CD163L1: variants seen among roughly 807,000 people sequenced by gnomAD.
The protein encoded by CD163L1 is scavenger receptor cysteine-rich type 1 protein M160.
CD163L1 carries 124 observed loss-of-function variants against 165.4 expected under a neutral mutation model. That is an observed-to-expected ratio of 0.75 (90% CI 0.65 to 0.87). The LOEUF (loss-of-function observed/expected upper bound fraction) is 0.87, where lower values mean the gene tolerates loss of function less well. Among genes scored for constraint, CD163L1 ranks in the 40% least tolerant of loss-of-function variants. CD163L1 has a pLI of 0.00. For synonymous variants in CD163L1, 585 were observed against 662.2 expected (o/e 0.88, Z 1.79); for missense variants, 1,525 against 1,799.9 (o/e 0.85, Z 2.76).
intron 18 of CD163L1, among the ~76,000 whole-genome samples, chr12:7,364,916 A>C (rs977082493): frequency 2.0e-5 from 3 of 152,184 alleles, no homozygotes; most frequent in African/African-American, 7.2e-5. Context: ...ACAGAAATAG[A>C]GATAACAATC....
chr12:7,394,126 C>T (rs2136489601), intron 8 of CD163L1, among the ~76,000 whole-genome samples: 1 of 150,628 alleles, frequency 6.6e-6, no homozygotes, highest in Middle Eastern at 3.4e-3. Flanking sequence ...AAAAAAAAAT[C>T]ACATAGCCAA....
intron 18 of CD163L1, among the ~76,000 whole-genome samples, chr12:7,365,994 A>G (rs1947009978): frequency 6.6e-6 from 1 of 152,150 alleles, no homozygotes; most frequent in East Asian, 1.9e-4. Context: ...TAGCCAAAAT[A>G]TGGAAGCAGC....
chr12:7,333,841 A>T, the CD163L1 span, among the ~76,000 whole-genome samples: 4 of 152,240 alleles, frequency 2.6e-5, no homozygotes, highest in Non-Finnish European at 4.4e-5. Context: ...ACAAACTACC[A>T]TCAGAGAATA....
chr12:7,329,245 T>G, the CD163L1 span, among the ~76,000 whole-genome samples: 2 of 148,902 alleles, frequency 1.3e-5, no homozygotes, highest in African/African-American at 4.9e-5. Context: ...AATACCAATC[T>G]TTAGGGAACA....
Position 7,438,753 on chromosome 12 carries a change from T to G in CD163L1, c.124+2401A>C, listed in dbSNP as rs1948773281. ...ATGTCTTGGCCACTCAACACGGGTT[T>G]TCTGCTGCCTCCCGTGGCCCTTACC... On this transcript the variant is annotated intron_variant, in intron 2 of 19. Transcript: ENST00000313599. 2.3e-6 allele frequency: 3 copies of G among 1,305,706 alleles called. No individual in the cohort carries two copies. In the African/African-American group the frequency reaches 4.5e-5, roughly 19 times the overall value. 80.9% of individuals were successfully genotyped at this position (1,305,706 alleles called of 1,614,324 possible).
chr12:7,397,606 T>G (rs770583791), intron 7 of CD163L1, among the ~76,000 whole-genome samples: 1 of 152,194 alleles, frequency 6.6e-6, no homozygotes, highest in South Asian at 2.1e-4. Context: ...ATATTAATCC[T>G]ACTTTGCTTG....
intron 6 of CD163L1, among the ~76,000 whole-genome samples, chr12:7,401,793 G>A (rs539078119): frequency 7.2e-5 from 11 of 151,738 alleles, no homozygotes; most frequent in Admixed American, 2.0e-4. Flanking sequence ...GAATGGTAGC[G>A]TTGCATGTGG....
At chr12:7,355,474 A>C (rs1005241962) in intron 19 of CD163L1, among the ~76,000 whole-genome samples, 4 of 152,162 alleles carry the variant, frequency 2.6e-5, no homozygotes, top group Non-Finnish European at 5.9e-5. Flanking sequence ...CACCTCTGGA[A>C]ATTAATCTTT....
the CD163L1 span, chr12:7,328,865 AAACT>A: frequency 6.6e-6 from 1 of 152,580 alleles, no homozygotes; most frequent in Admixed American, 6.5e-5. Flanking sequence ...ATTTTGAAGC[AAACT>A]AACTGTAAAA....
downstream of CD163L1, among the ~76,000 whole-genome samples, chr12:7,351,258 C>T (rs1235452284): frequency 1.3e-5 from 2 of 151,752 alleles, no homozygotes; most frequent in Non-Finnish European, 2.9e-5. Flanking sequence ...TCTATTTTTC[C>T]ATCTTTCTGC....
At chr12:7,382,163 C>A in intron 8 of CD163L1, among the ~76,000 whole-genome samples, 1 of 151,232 alleles carries the variant, frequency 6.6e-6, no homozygotes, top group East Asian at 1.9e-4. Flanking sequence ...AATACAGATA[C>A]AAGGACAGAG....
chr12:7,342,810 C>T (rs765431865), downstream of CD163L1, among the ~76,000 whole-genome samples: 2 of 152,236 alleles, frequency 1.3e-5, no homozygotes, highest in East Asian at 3.9e-4. Flanking sequence ...GAAGAAATTG[C>T]TACAGTTTTT....
In CD163L1 at chr12:7,379,021, C is replaced by T. The variant is rs267603674; in HGVS notation, c.2328G>A (p.Gln776=). 6.2e-7 allele frequency: 1 copy of T among 1,612,344 alleles called. No homozygotes were observed. The change falls in exon 9 of 20, where the codon CAG becomes CAA. Residue 776 remains glutamine (Q), a synonymous_variant. Transcript: ENST00000313599. The part of the protein sequence containing the change: ...LWDCIRWEWK[Q]TACHLNMEAS... ...CTTCCATATTTAAATGACACGCAGT[C>T]TGTTTCCACTCCCATCGTATACAAT...
intron 4 of CD163L1, among the ~76,000 whole-genome samples, chr12:7,415,403 T>C (rs192222308): frequency 2.1e-4 from 32 of 151,968 alleles, no homozygotes; most frequent in Admixed American, 2.0e-3. Context: ...GGGGGAAAAA[T>C]AGAAAGACTA....
At chr12:7,423,755 T>C (rs1363313110) in intron 4 of CD163L1, among the ~76,000 whole-genome samples, 1 of 152,070 alleles carries the variant, frequency 6.6e-6, no homozygotes, top group Admixed American at 6.6e-5. Flanking sequence ...CCTGGACACA[T>C]ACCCCCTCCC....
At chr12:7,428,458 CACA>C (rs1222594970) in intron 4 of CD163L1, among the ~76,000 whole-genome samples, 3 of 151,930 alleles carry the variant, frequency 2.0e-5, no homozygotes, top group African/African-American at 7.2e-5. Flanking sequence ...GTGTCTAGTA[CACA>C]ACAAGAAAAA....
chr12:7,326,753 A>G, the CD163L1 span, among the ~76,000 whole-genome samples: 1 of 152,200 alleles, frequency 6.6e-6, no homozygotes, highest in Non-Finnish European at 1.5e-5. Flanking sequence ...GCTTTCTTGA[A>G]CTGCTGCACT....
chr12:7,386,604 C>CAAAAAAAAAAAA (rs71067187), intron 8 of CD163L1, among the ~76,000 whole-genome samples: 1 of 117,506 alleles, frequency 8.5e-6, no homozygotes, highest in Non-Finnish European at 1.8e-5. Context: ...GTCAACATAT[C>CAAAAAAAAAAAA]AAAAAAAAAA....
At chr12:7,427,058 G>A (rs10845139) in intron 4 of CD163L1, among the ~76,000 whole-genome samples, 28,113 of 151,954 alleles carry the variant, frequency 0.19, 3,735 homozygotes, top group African/African-American at 0.37. Context: ...CATATAAAGC[G>A]AATATTAAGA....
Sources: gnomAD v4.1 joint callset for allele counts (sites outside exome capture counted in the v4.1 genomes callset) on GRCh38, gnomAD v4.1.1 for gene constraint, MANE v1.5 for transcripts, NCBI Gene and HGNC (gene_info 2026-07-23, HGNC 2026-07-21) for gene names.